TESMIN: variants seen among roughly 807,000 people sequenced by gnomAD.
TESMIN encodes the protein testis expressed metallothionein like protein.
In TESMIN, 34 loss-of-function variants were observed where a neutral mutation model predicts 47.4. The observed-to-expected ratio is 0.72, with a 90% CI of 0.55 to 0.96. TESMIN has a LOEUF of 0.96. Among genes scored for constraint, TESMIN ranks in the 40% least tolerant of loss-of-function variants. The pLI is 0.00. For synonymous variants in TESMIN, 278 were observed against 258.9 expected (o/e 1.07, Z -0.71); for missense variants, 610 against 637.2 (o/e 0.96, Z 0.46).
intron 6 of TESMIN, among the ~76,000 whole-genome samples, chr11:68,727,367 G>C (rs1946277357): frequency 6.6e-6 from 1 of 152,138 alleles, no homozygotes; most frequent in Non-Finnish European, 1.5e-5. Context: ...TTGAACCTGG[G>C]AGGTGAAGGC....
chr11:68,742,707 T>C (rs1253026199), intron 4 of TESMIN, among the ~76,000 whole-genome samples: 3 of 152,116 alleles, frequency 2.0e-5, no homozygotes, highest in Admixed American at 6.5e-5. Context: ...GTGCCCTGCA[T>C]AGCCACAGCA....
At chr11:68,731,157 G>A (rs887812429) in intron 6 of TESMIN, among the ~76,000 whole-genome samples, 4 of 152,214 alleles carry the variant, frequency 2.6e-5, no homozygotes, top group African/African-American at 9.6e-5. Context: ...GCTAAGAGTG[G>A]AAGCTTCTTG....
At chr11:68,731,353 A>G (rs1295569219) in intron 6 of TESMIN, among the ~76,000 whole-genome samples, 1 of 152,108 alleles carries the variant, frequency 6.6e-6, no homozygotes, top group African/African-American at 2.4e-5. Context: ...ACCTGAGCCC[A>G]GGGGGTCAAG....
Position 68,708,048 on chromosome 11 carries a change from T to G in TESMIN, c.*260A>C. ...TGCCCTGCTCTGCCCTCCGCCGCCC[T>G]GCAGACACTCTCCCAGGACTATGGG... On this transcript the variant is annotated 3_prime_UTR_variant, in exon 10 of 10. Transcript: ENST00000255087. 2 of 484,296 alleles carry G rather than the reference T, an allele frequency of 4.1e-6. No homozygotes were observed. Among genetic ancestry groups the G allele is most frequent in the Non-Finnish European group, 3.8e-6 (1 of 263,130 alleles). 30.0% of individuals were successfully genotyped at this position (484,296 alleles called of 1,614,324 possible).
intron 7 of TESMIN, among the ~76,000 whole-genome samples, chr11:68,714,274 G>A (rs1217651813): frequency 6.6e-6 from 1 of 152,346 alleles, no homozygotes; most frequent in South Asian, 2.1e-4. Context: ...TGCGGTGCGC[G>A]GCTTTAGGCA....
At chr11:68,733,006 C>T (rs1946346908) in intron 6 of TESMIN, 1 of 152,200 alleles carries the variant, frequency 6.6e-6, no homozygotes, top group African/African-American at 2.4e-5. Context: ...TAACTTAAGG[C>T]TAGGCAGACA....
chr11:68,710,951 C>CA lies in TESMIN; in HGVS notation c.1256dup (p.Met419IlefsTer27), dbSNP rs775953966. On this transcript the variant is annotated frameshift_variant, in exon 9 of 10. Coordinates refer to ENST00000255087, the MANE Select transcript of TESMIN (RefSeq NM_004923.3). LOFTEE classifies it high-confidence loss of function. Reference sequence around the variant, plus strand: ...GGCTGCCTTCCAAACCTCCAGTCTGCATGTAGTTTGGCATGCTCATTAGTG... The same window carrying CA: ...GGCTGCCTTCCAAACCTCCAGTCTGCAATGTAGTTTGGCATGCTCATTAGTG... The CA allele has an allele frequency of 8.1e-6, 13 of 1,613,976 alleles. No homozygotes were observed. The highest frequency in any genetic ancestry group is 1.1e-5 in the Non-Finnish European group (13 of 1,179,996).
chr11:68,708,459 G>A lies in TESMIN; in HGVS notation c.1376C>T (p.Thr459Ile). The A allele has an allele frequency of 6.2e-7, 1 of 1,613,706 alleles. No individual in the cohort carries two copies. The highest frequency in any genetic ancestry group is 8.5e-7 in the Non-Finnish European group (1 of 1,179,826). Residue 459 changes from threonine (T) to isoleucine (I), a missense_variant, in exon 10 of 10, where the codon ACA becomes ATA. By Grantham distance (89) the Thr-to-Ile change is moderately conservative. Coordinates refer to ENST00000255087, the MANE Select transcript of TESMIN (RefSeq NM_004923.3). ...TCCCTGAGCAAGCAGGCAGGCGCAT[G>A]TGGCCTCCACCACCTCCCAGGAGAT... ...SCISWEVVEA[T>I]CACLLAQGEE... is the part of the protein sequence containing the mutation.
At chr11:68,715,460 C>T (rs866987790) in intron 7 of TESMIN, among the ~76,000 whole-genome samples, 13 of 152,198 alleles carry the variant, frequency 8.5e-5, no homozygotes, top group African/African-American at 1.4e-4. Flanking sequence ...AGCCTTCTCA[C>T]GCAGTGGACT....
At chr11:68,738,314 C>T (rs1946412465) in intron 6 of TESMIN, 6 of 1,010,780 alleles carry the variant, frequency 5.9e-6, no homozygotes, top group Non-Finnish European at 5.9e-6. Context: ...CTGCAGCCCC[C>T]CGTTCATGCT....
chr11:68,741,761 C>CAAA, intron 5 of TESMIN, among the ~76,000 whole-genome samples: 1 of 152,222 alleles, frequency 6.6e-6, no homozygotes, highest in African/African-American at 2.4e-5. Flanking sequence ...CAACCAACCA[C>CAAA]AAAACGCAAG....
rs1311305372 is a variant in TESMIN at position 68,713,337 on chromosome 11, G to A, written c.1091C>T (p.Pro364Leu). 1.2e-6 allele frequency: 2 copies of A among 1,613,974 alleles called. No individual in the cohort carries two copies. The highest frequency in any genetic ancestry group is 1.6e-4 in the Middle Eastern group (1 of 6,080). ...GCAGTTGCACCCTTTGTTGTGCTGG[G>A]GCTTGACATTGCCCAATTGGCCCTT... Reference protein sequence around the residue: ...IGKGQLGNVKPQHNKGCNCRR... With the variant: ...IGKGQLGNVKLQHNKGCNCRR... Residue 364 changes from proline to leucine, a missense_variant, in exon 8 of 10, where the codon CCC becomes CTC. Transcript: ENST00000255087.
At position 68,738,778 on chromosome 11, in the gene TESMIN, G is replaced by T. The variant is rs145548910; in HGVS notation, c.839C>A (p.Ala280Asp). ...AGACCCGTTGACTACCGATGGTAAG[G>T]CTCCCTCAAGCTGTTCAAAGTCAAA... ...LNLITQQLEG[A>D]LPSVVNGSAF... Residue 280 changes from alanine to aspartate, a missense_variant, in exon 6 of 10, where the codon GCC becomes GAC. Physicochemically the swap from Ala to Asp is moderately radical, Grantham distance 126. Transcript: ENST00000255087. 5 of 1,613,332 alleles carry T rather than the reference G, an allele frequency of 3.1e-6. No individual in the cohort carries two copies. The highest frequency in any genetic ancestry group is 4.2e-6 in the Non-Finnish European group (5 of 1,179,436).
chr11:68,745,152 T>C (rs1196055795), intron 3 of TESMIN, 41 bp from the exon 4 acceptor site: 1 of 1,553,332 alleles, frequency 6.4e-7, no homozygotes, highest in Non-Finnish European at 8.7e-7. Flanking sequence ...TTTTGAAACA[T>C]AATTCCAGTA....
At chr11:68,708,638 C>T in intron 9 of TESMIN, 138 bp from the exon 10 acceptor site, 1 of 858,626 alleles carries the variant, frequency 1.2e-6, no homozygotes, top group Non-Finnish European at 1.7e-6. Flanking sequence ...TTGTCTTCCT[C>T]ATACTGGAAA....
At position 68,750,464 on chromosome 11, in the gene TESMIN, G is replaced by C. The variant is rs374499270; in HGVS notation, c.197C>G (p.Ala66Gly). The change falls in exon 2 of 10, where the codon GCG becomes GGG. Residue 66 changes from alanine (A) to glycine (G), a missense_variant. By Grantham distance (60) the Ala-to-Gly change is moderately conservative. Transcript: ENST00000255087. ...PADPKEPVLH[A>G]FNPALGADCK... ...GTCGGCGCCCAGCGCGGGGTTGAACGCGTGCAGGACGGGTTCCTTGGGGTC... is the reference window on the plus strand; with the variant it reads ...GTCGGCGCCCAGCGCGGGGTTGAACCCGTGCAGGACGGGTTCCTTGGGGTC... 1.5e-4 allele frequency: 245 copies of C among 1,594,436 alleles called. No individual in the cohort carries two copies. In the East Asian group the frequency reaches 4.8e-3, roughly 31 times the overall value.
chr11:68,733,282 C>T (rs1373755119), intron 6 of TESMIN, among the ~76,000 whole-genome samples: 1 of 152,178 alleles, frequency 6.6e-6, no homozygotes, highest in Non-Finnish European at 1.5e-5. Flanking sequence ...TAAACCAATT[C>T]ATAAAACTTT....
rs531839861 is a variant in TESMIN, at chr11:68,707,715, C to T, written c.*593G>A. On this transcript the variant is annotated 3_prime_UTR_variant, in exon 10 of 10. Transcript: ENST00000255087. Reference sequence around the variant, plus strand: ...CTGGCCTGCGAGGCCCCATTGCCTGCGTCTCCCGGGGGCCTTAGGAAAGAC... The same window carrying T: ...CTGGCCTGCGAGGCCCCATTGCCTGTGTCTCCCGGGGGCCTTAGGAAAGAC... The T allele has an allele frequency of 2.2e-4, 89 of 413,256 alleles. No homozygotes were observed. In the East Asian group the frequency reaches 3.2e-3, roughly 15 times the overall value. 25.6% of individuals were successfully genotyped at this position (413,256 alleles called of 1,614,324 possible). A position where few individuals can be genotyped will look rare whatever the true frequency, so the allele number is the denominator to read the frequency against.
At chr11:68,746,036 T>C (rs1308040305) in intron 3 of TESMIN, among the ~76,000 whole-genome samples, 1 of 152,260 alleles carries the variant, frequency 6.6e-6, no homozygotes, top group Non-Finnish European at 1.5e-5. Flanking sequence ...AAAGGACCAA[T>C]GTTATCAAAG....
Sources: gnomAD v4.1 joint callset for allele counts (sites outside exome capture counted in the v4.1 genomes callset) on GRCh38, gnomAD v4.1.1 for gene constraint, MANE v1.5 for transcripts, NCBI Gene and HGNC (gene_info 2026-07-23, HGNC 2026-07-21) for gene names.